RGL1: variants seen among roughly 807,000 people sequenced by gnomAD.
RGL1 encodes ral guanine nucleotide dissociation stimulator like 1, also known as ral guanine nucleotide dissociation stimulator-like 1.
Under a neutral mutation model 95.2 loss-of-function variants are expected in RGL1, and 24 were observed. The observed-to-expected ratio is 0.25, with a 90% confidence interval of 0.18 to 0.35. The LOEUF (loss-of-function observed/expected upper bound fraction) is 0.35. RGL1 is among the 10% of genes least tolerant of loss of function. The pLI, the probability that RGL1 is intolerant of heterozygous loss-of-function variation, is 1.00. For synonymous variants in RGL1, 329 were observed against 344.9 expected, an observed-to-expected ratio of 0.95 and a Z score of 0.51; for missense variants, 715 against 936.3, an observed-to-expected ratio of 0.76 and a Z score of 3.08.
At chr1:183,653,874 C>T (rs987601364) in intron 1 of RGL1, among the ~76,000 whole-genome samples, 1 of 152,156 alleles carries the variant, frequency 6.6e-6, no homozygotes, top group Admixed American at 6.5e-5. Context: ...CCATTCTTTT[C>T]CTTAGTCTCC....
intron 2 of RGL1, among the ~76,000 whole-genome samples, chr1:183,771,155 C>G (rs1485577205): frequency 6.6e-6 from 1 of 152,202 alleles, no homozygotes; most frequent in Non-Finnish European, 1.5e-5. Flanking sequence ...CTGTAAAAAT[C>G]TACTGGACAT....
chr1:183,866,182 T>TA (rs1665825371), intron 4 of RGL1, 109 bp downstream of exon 4: 1 of 870,518 alleles, frequency 1.1e-6, no homozygotes, highest in African/African-American at 1.7e-5. Flanking sequence ...TTTTTTTCCA[T>TA]AGTGCATACA....
chr1:183,782,725 AT>A (rs1659968599), intron 2 of RGL1, among the ~76,000 whole-genome samples: 4 of 152,214 alleles, frequency 2.6e-5, no homozygotes, highest in Admixed American at 2.0e-4. Flanking sequence ...ATTTGGTGAG[AT>A]TGCTGTCATA....
At chr1:183,763,120 T>C (rs1658789317) in intron 2 of RGL1, among the ~76,000 whole-genome samples, 1 of 152,182 alleles carries the variant, frequency 6.6e-6, no homozygotes, top group Admixed American at 6.5e-5. Flanking sequence ...GCCATCATTC[T>C]AAGCAAACTA....
chr1:183,654,257 A>C (rs935424544), intron 1 of RGL1, among the ~76,000 whole-genome samples: 1 of 152,112 alleles, frequency 6.6e-6, no homozygotes, highest in Non-Finnish European at 1.5e-5. Flanking sequence ...GGTTATTTTC[A>C]GTTTCATCTT....
chr1:183,764,629 T>G (rs1658871515), intron 2 of RGL1, among the ~76,000 whole-genome samples: 1 of 152,168 alleles, frequency 6.6e-6, no homozygotes, highest in African/African-American at 2.4e-5. Context: ...ATCTTTCTAT[T>G]TATCAGTTCC....
At chr1:183,746,620 G>A (rs1657646511) in intron 2 of RGL1, among the ~76,000 whole-genome samples, 1 of 86,580 alleles carries the variant, frequency 1.2e-5, no homozygotes, top group Non-Finnish European at 2.3e-5. Context: ...TAGTATACAT[G>A]TATTTTTTTT....
At chr1:183,680,813 TGG>T (rs201430978) in intron 1 of RGL1, among the ~76,000 whole-genome samples, 1,574 of 152,330 alleles carry the variant, frequency 0.01, 29 homozygotes, top group African/African-American at 0.036. Flanking sequence ...TCCCTAAGCA[TGG>T]AATGTTTTTC....
At chr1:183,712,106 G>A (rs1268115588) in intron 1 of RGL1, among the ~76,000 whole-genome samples, 1 of 152,254 alleles carries the variant, frequency 6.6e-6, no homozygotes, top group African/African-American at 2.4e-5. Flanking sequence ...AAGAGACCCA[G>A]TGAGGGGCTA....
chr1:183,680,547 G>C (rs1209152632), intron 1 of RGL1, among the ~76,000 whole-genome samples: 1 of 151,942 alleles, frequency 6.6e-6, no homozygotes, highest in African/African-American at 2.4e-5. Flanking sequence ...TATCTGTTTT[G>C]GTACCGGTAC....
chr1:183,863,543 C>CAGA (rs1042389602), intron 3 of RGL1, among the ~76,000 whole-genome samples: 16 of 152,002 alleles, frequency 1.1e-4, no homozygotes, highest in African/African-American at 3.6e-4. Context: ...GGCTACTGGG[C>CAGA]AGAAGCTGGG....
chr1:183,757,075 C>G (rs1460143276), intron 2 of RGL1, among the ~76,000 whole-genome samples: 1 of 148,566 alleles, frequency 6.7e-6, no homozygotes, highest in Non-Finnish European at 1.5e-5. Flanking sequence ...CCACTATGCA[C>G]TGGACTTATC....
chr1:183,680,803 T>C (rs1302484669), intron 1 of RGL1, among the ~76,000 whole-genome samples: 4 of 152,072 alleles, frequency 2.6e-5, no homozygotes, highest in Non-Finnish European at 4.4e-5. Context: ...ATTCTTCCTA[T>C]CCCTAAGCAT....
chr1:183,912,704 G>A (rs1341470642), intron 15 of RGL1, among the ~76,000 whole-genome samples: 1 of 152,168 alleles, frequency 6.6e-6, no homozygotes, highest in African/African-American at 2.4e-5. Flanking sequence ...GTATCTGCTG[G>A]TTGGCTGATC....
intron 1 of RGL1, among the ~76,000 whole-genome samples, chr1:183,681,013 CA>C (rs1374146516): frequency 6.6e-6 from 1 of 152,134 alleles, no homozygotes; most frequent in Non-Finnish European, 1.5e-5. Flanking sequence ...GTGATTTTTG[CA>C]CATTGATTTT....
intron 2 of RGL1, among the ~76,000 whole-genome samples, chr1:183,789,337 C>T: frequency 6.6e-6 from 1 of 152,154 alleles, no homozygotes; most frequent in East Asian, 1.9e-4. Context: ...GTAATCCCAG[C>T]TACTTGGGAG....
At chr1:183,797,145 C>T (rs1334405762) in intron 2 of RGL1, among the ~76,000 whole-genome samples, 1 of 152,004 alleles carries the variant, frequency 6.6e-6, no homozygotes, top group East Asian at 1.9e-4. Context: ...GCCTGGCCAA[C>T]ATGGCGAAAC....
chr1:183,868,063 G>A (rs776960691), intron 4 of RGL1, among the ~76,000 whole-genome samples: 39 of 152,208 alleles, frequency 2.6e-4, no homozygotes, highest in Non-Finnish European at 5.0e-4. Context: ...AGAAGGGCTT[G>A]GGGAAGGCCT....
At chr1:183,834,720 G>T (rs193022570) in intron 2 of RGL1, among the ~76,000 whole-genome samples, 163 of 152,170 alleles carry the variant, frequency 1.1e-3, no homozygotes, top group African/African-American at 3.8e-3. Context: ...ACAGGGACTT[G>T]GTCTGTTGCC....
Sources: gnomAD v4.1 joint callset for allele counts (sites outside exome capture counted in the v4.1 genomes callset) on GRCh38, gnomAD v4.1.1 for gene constraint, MANE v1.5 for transcripts, NCBI Gene and HGNC (gene_info 2026-07-23, HGNC 2026-07-21) for gene names.